The following ROBO2 variants were observed in gnomAD, a reference collection of about 807,000 sequenced individuals.
The protein encoded by ROBO2 is roundabout guidance receptor 2.
Under a neutral mutation model 160.8 loss-of-function variants are expected in ROBO2, and 53 were observed. That is an observed-to-expected ratio of 0.33 (90% CI 0.26 to 0.41). ROBO2 has a LOEUF of 0.41. Ranked by LOEUF, ROBO2 falls within the 10% of genes least tolerant of loss-of-function variation. The pLI is 1.00. For synonymous variants in ROBO2, 664 were observed against 611.7 expected (o/e 1.09, Z -1.26); for missense variants, 1,577 against 1,722.4 (o/e 0.92, Z 1.49).
At chr3:75,936,620 A>G (rs1947791783) in intron 1 of ROBO2, among the ~76,000 whole-genome samples, 1 of 152,028 alleles carries the variant, frequency 6.6e-6, no homozygotes, top group African/African-American at 2.4e-5. Context: ...ATAGTTTTGA[A>G]CTTATCATTA....
chr3:76,065,453 C>T (rs758231878), intron 2 of ROBO2, among the ~76,000 whole-genome samples: 3 of 151,890 alleles, frequency 2.0e-5, no homozygotes, highest in Non-Finnish European at 4.4e-5. Flanking sequence ...ACTTCCAAAT[C>T]GATACCAAAG....
At chr3:77,603,587 C>G (rs1333608444) in intron 20 of ROBO2, among the ~76,000 whole-genome samples, 2 of 151,998 alleles carry the variant, frequency 1.3e-5, no homozygotes, top group Non-Finnish European at 2.9e-5. Context: ...ACCATATAAT[C>G]TTTGATATTG....
intron 2 of ROBO2, among the ~76,000 whole-genome samples, chr3:76,675,261 C>T (rs554125243): frequency 6.6e-5 from 10 of 152,270 alleles, no homozygotes; most frequent in South Asian, 4.2e-4. Flanking sequence ...TCCACTGGTT[C>T]TTGCAAGGAC....
chr3:77,312,595 G>C (rs180892056), intron 2 of ROBO2, among the ~76,000 whole-genome samples: 9 of 152,244 alleles, frequency 5.9e-5, no homozygotes, highest in Admixed American at 3.9e-4. Context: ...AAATATTTTT[G>C]AGTGAGTGTG....
At chr3:77,527,284 G>T (rs2091255540) in intron 6 of ROBO2, 119 bp from the exon 7 acceptor site, 9 of 604,864 alleles carry the variant, frequency 1.5e-5, no homozygotes, top group Middle Eastern at 6.0e-4. Flanking sequence ...TGTGAGACTA[G>T]AAATCACTCT....
intron 2 of ROBO2, among the ~76,000 whole-genome samples, chr3:76,946,418 G>T (rs572189541): frequency 4.0e-5 from 6 of 151,850 alleles, no homozygotes; most frequent in South Asian, 4.2e-4. Context: ...CTGTTTTTTT[G>T]TTGTTGTTTG....
intron 2 of ROBO2, among the ~76,000 whole-genome samples, chr3:77,273,291 C>A (rs1260334303): frequency 6.6e-6 from 1 of 152,242 alleles, no homozygotes; most frequent in Non-Finnish European, 1.5e-5. Context: ...CAGGCCATTA[C>A]CCTAAGCAAA....
intron 2 of ROBO2, among the ~76,000 whole-genome samples, chr3:76,900,904 A>G (rs1437310334): frequency 6.6e-6 from 1 of 152,208 alleles, no homozygotes; most frequent in Admixed American, 6.5e-5. Context: ...AGTTACTCTT[A>G]AAGGAAAATA....
At chr3:76,032,800 T>G (rs539765071) in intron 2 of ROBO2, among the ~76,000 whole-genome samples, 2 of 152,266 alleles carry the variant, frequency 1.3e-5, no homozygotes, top group East Asian at 3.9e-4. Context: ...AAAAACTGTT[T>G]AAACACTATG....
chr3:76,221,937 C>T (rs1412572892), intron 2 of ROBO2, among the ~76,000 whole-genome samples: 1 of 152,142 alleles, frequency 6.6e-6, no homozygotes, highest in Non-Finnish European at 1.5e-5. Flanking sequence ...CTGCCACTTC[C>T]ATAGTGGAAG....
chr3:77,122,471 G>A (rs758704315), intron 2 of ROBO2, among the ~76,000 whole-genome samples: 2 of 152,132 alleles, frequency 1.3e-5, no homozygotes, highest in African/African-American at 2.4e-5. Context: ...TTTAGCCGTC[G>A]CTGCCCCTTT....
At chr3:75,983,400 A>G (rs1360128676) in intron 2 of ROBO2, among the ~76,000 whole-genome samples, 2 of 151,454 alleles carry the variant, frequency 1.3e-5, no homozygotes, top group Non-Finnish European at 3.0e-5. Context: ...GTGTAAAACC[A>G]TTCCCAAAAT....
chr3:77,584,594 T>G (rs1207381761), intron 16 of ROBO2, among the ~76,000 whole-genome samples: 1 of 152,102 alleles, frequency 6.6e-6, no homozygotes, highest in African/African-American at 2.4e-5. Context: ...GCGTTAAAAT[T>G]TTTTAGATTC....
chr3:77,426,614 G>GTA (rs972169878), intron 2 of ROBO2, among the ~76,000 whole-genome samples: 1 of 150,700 alleles, frequency 6.6e-6, no homozygotes, highest in African/African-American at 2.5e-5. Context: ...GTGTCTGTGT[G>GTA]TGTGTGTGTG....
At chr3:77,522,671 G>T in intron 5 of ROBO2, 104 bp from the exon 6 acceptor site, 1 of 1,149,862 alleles carries the variant, frequency 8.7e-7, no homozygotes, top group Non-Finnish European at 1.3e-6. Flanking sequence ...GTGTATTTGT[G>T]TTTAGGTAAA....
intron 16 of ROBO2, among the ~76,000 whole-genome samples, chr3:77,587,302 C>T (rs1380088577): frequency 1.3e-5 from 2 of 152,014 alleles, no homozygotes; most frequent in Non-Finnish European, 2.9e-5. Flanking sequence ...TCCTAGTTAC[C>T]ACTGGCTAAT....
chr3:76,995,115 A>T (rs2060918443), intron 2 of ROBO2, among the ~76,000 whole-genome samples: 1 of 47,874 alleles, frequency 2.1e-5, no homozygotes, highest in African/African-American at 1.2e-4. Flanking sequence ...CCCACCCCCA[A>T]CAGGCCCCAG....
intron 2 of ROBO2, among the ~76,000 whole-genome samples, chr3:76,009,319 G>C (rs2066127157): frequency 6.6e-6 from 1 of 152,100 alleles, no homozygotes; most frequent in South Asian, 2.1e-4. Context: ...CAGCCAGGAT[G>C]GTCTCGATCT....
intron 2 of ROBO2, among the ~76,000 whole-genome samples, chr3:75,962,579 C>T (rs990634679): frequency 8.6e-5 from 13 of 151,540 alleles, no homozygotes; most frequent in African/African-American, 2.2e-4. Flanking sequence ...TCTTTGCCTC[C>T]GATATAACTG....
Sources: allele counts gnomAD v4.1 joint callset (sites outside exome capture counted in the v4.1 genomes callset), GRCh38; gene constraint gnomAD v4.1.1; transcripts MANE v1.5; gene names NCBI Gene and HGNC (gene_info 2026-07-23, HGNC 2026-07-21).